Variants in MDH1B observed in about 807,000 individuals in gnomAD.
The protein encoded by MDH1B is malate dehydrogenase 1B.
MDH1B carries 60 observed loss-of-function variants against 61.4 expected under a neutral mutation model. That is an observed-to-expected ratio of 0.98 (90% CI 0.79 to 1.21). The LOEUF is 1.21. MDH1B is among the 50% of genes most tolerant of loss of function. MDH1B has a pLI of 0.00. For missense variants in MDH1B, 587 were observed against 632.1 expected, an observed-to-expected ratio of 0.93 and a Z score of 0.76; for synonymous variants, 236 against 218.7, an observed-to-expected ratio of 1.08 and a Z score of -0.70.
Position 206,739,585 on chromosome 2 carries a change from C to T in MDH1B, c.1528+8G>A. 6.2e-7 allele frequency: 1 copy of T among 1,612,538 alleles called. No individual in the cohort carries two copies. Among genetic ancestry groups the T allele is most frequent in the Non-Finnish European group, 8.5e-7 (1 of 1,178,634 alleles). On this transcript the variant is annotated splice_region_variant and intron_variant, in intron 11 of 11. Coordinates refer to ENST00000374412, the MANE Select transcript of MDH1B (RefSeq NM_001039845.3). ...AAAATACTAGTTAATGTTTTGTCTA[C>T]CACCTACCATTTAGGAACTCAAGAC... is the stretch of plus-strand genomic sequence containing the variant.
chr2:206,750,464 T>C (rs1373495669), intron 6 of MDH1B, among the ~76,000 whole-genome samples: 1 of 151,210 alleles, frequency 6.6e-6, no homozygotes, highest in Non-Finnish European at 1.5e-5. Flanking sequence ...ACACAGCTAC[T>C]AAGTGGCTAA....
chr2:206,749,180 C>T lies in MDH1B; in HGVS notation c.1056G>A (p.Glu352=). The T allele has an allele frequency of 1.9e-6, 3 of 1,613,824 alleles. No individual in the cohort carries two copies. In the South Asian group the frequency reaches 3.3e-5, roughly 18 times the overall value. Residue 352 remains glutamate, a synonymous_variant, in exon 7 of 12, where the codon GAG becomes GAA. Coordinates refer to ENST00000374412, the MANE Select transcript of MDH1B (RefSeq NM_001039845.3). The part of the protein sequence containing the change: ...RPVLNLIFDS[E]WVKREFVAIL... The stretch of plus-strand genomic sequence containing the variant: ...TTGCCACAAATTCTCTTTTTACCCA[C>T]TCACTGTAAGGAGAGAAAGAAACAA...
chr2:206,761,011 T>G lies in MDH1B; in HGVS notation c.25A>C (p.Arg9=). ...TTAGCATAATATGGACAATCTGCTC[T>G]ACCTAAAAGAGTTCAAATTAGCAAT... MAKFVIAG[R]ADCPYYAKTE... is the part of the protein sequence containing the mutation. The change falls in exon 2 of 12, where the codon AGA becomes CGA. Residue 9 remains arginine (R), a splice_region_variant and synonymous_variant. Coordinates refer to ENST00000374412, the MANE Select transcript of MDH1B (RefSeq NM_001039845.3). 6.5e-7 allele frequency: 1 copy of G among 1,543,444 alleles called. No individual in the cohort carries two copies. Among genetic ancestry groups the G allele is most frequent in the Non-Finnish European group, 8.9e-7 (1 of 1,123,122 alleles).
intron 5 of MDH1B, among the ~76,000 whole-genome samples, chr2:206,754,454 A>G (rs1017270378): frequency 6.6e-6 from 1 of 152,242 alleles, no homozygotes; most frequent in African/African-American, 2.4e-5. Context: ...ATCAGATATC[A>G]TAATCCTATT....
intron 9 of MDH1B, among the ~76,000 whole-genome samples, chr2:206,743,263 T>C (rs997723786): frequency 2.0e-5 from 3 of 152,170 alleles, no homozygotes; most frequent in Non-Finnish European, 2.9e-5. Context: ...CATACATCCA[T>C]TGGGTATTTT....
In MDH1B at chr2:206,737,826, T is replaced by A. The variant is rs1037402390; in HGVS notation, c.*657A>T. ...TGTCAAGGAGCAGAAACCTATTCAA[T>A]CTAAGCTTTAAAAAAGTGTGATTTA... On this transcript the variant is annotated 3_prime_UTR_variant, in exon 12 of 12. Coordinates refer to ENST00000374412, the MANE Select transcript of MDH1B (RefSeq NM_001039845.3). The A allele has an allele frequency of 2.6e-5, 4 of 152,198 alleles. No individual in the cohort carries two copies. The highest frequency in any genetic ancestry group is 9.6e-5 in the African/African-American group (4 of 41,452). 9.4% of individuals were successfully genotyped at this position (152,198 alleles called of 1,614,324 possible).
chr2:206,741,345 T>C, intron 9 of MDH1B: 1 of 568,020 alleles, frequency 1.8e-6, no homozygotes, highest in Non-Finnish European at 3.2e-6. Flanking sequence ...GCCAACTTGA[T>C]TGGATTGAAG....
At chr2:206,745,210 C>T (rs929182322) in intron 9 of MDH1B, 5 of 322,670 alleles carry the variant, frequency 1.5e-5, no homozygotes, top group African/African-American at 8.8e-5. Flanking sequence ...CAGTGCAACC[C>T]AAAGCTAGAA....
chr2:206,746,529 T>G, intron 7 of MDH1B, 103 bp from the exon 8 acceptor site: 2 of 1,203,352 alleles, frequency 1.7e-6, no homozygotes, highest in Non-Finnish European at 2.2e-6. Context: ...ATAGGATTTT[T>G]AATGATAATG....
At chr2:206,757,577 C>T (rs972345430) in intron 2 of MDH1B, among the ~76,000 whole-genome samples, 5 of 152,116 alleles carry the variant, frequency 3.3e-5, no homozygotes, top group Admixed American at 6.5e-5. Flanking sequence ...AAAGCATATT[C>T]TTCAAATTAA....
Position 206,760,913 on chromosome 2 carries a change from A to G in MDH1B, c.123T>C (p.Pro41=). Residue 41 remains proline, a synonymous_variant, in exon 2 of 12, where the codon CCT becomes CCC. Transcript: ENST00000374412. ...DFRIHKITQR[P]EVWEDWLKDV... is the part of the protein sequence containing the mutation. ...AAAGGCTTCTTACCTCCCAAACCTC[A>G]GGACGTTGTGTGATTTTATGTATCC... is the stretch of plus-strand genomic sequence containing the variant. 2 of 1,603,240 alleles carry G rather than the reference A, an allele frequency of 1.2e-6. No homozygotes were observed. Among genetic ancestry groups the G allele is most frequent in the East Asian group, 2.2e-5 (1 of 44,768 alleles).
chr2:206,759,956 T>C (rs1688993698), intron 2 of MDH1B, among the ~76,000 whole-genome samples: 1 of 152,190 alleles, frequency 6.6e-6, no homozygotes. Context: ...GACTGTCAGT[T>C]TGGCCCTGAA....
chr2:206,763,066 C>A (rs372213446), intron 1 of MDH1B, among the ~76,000 whole-genome samples: 1 of 152,018 alleles, frequency 6.6e-6, no homozygotes, highest in African/African-American at 2.4e-5. Flanking sequence ...GATGCCTACA[C>A]CCTCCTGTAT....
chr2:206,757,804 T>C (rs899372251), intron 2 of MDH1B, among the ~76,000 whole-genome samples: 1 of 152,234 alleles, frequency 6.6e-6, no homozygotes, highest in African/African-American at 2.4e-5. Context: ...GTTTATGTAG[T>C]TCAGACTAAA....
chr2:206,748,998 G>T (rs1309604976), intron 7 of MDH1B, 22 bp downstream of exon 7: 2 of 1,606,488 alleles, frequency 1.2e-6, no homozygotes, highest in South Asian at 2.2e-5. Flanking sequence ...GATTTTACAA[G>T]ATATGAAAAA....
rs552691006 is a variant in MDH1B at position 206,757,504 on chromosome 2, T to C, written c.136-133A>G. On this transcript the variant is annotated intron_variant, in intron 2 of 11. Transcript: ENST00000374412. Reference sequence around the variant, plus strand: ...ATATACACATAATATAATTTAGATATCTTCAAAGAGTAAAATGTAAATATA... The same window carrying C: ...ATATACACATAATATAATTTAGATACCTTCAAAGAGTAAAATGTAAATATA... The C allele has an allele frequency of 3.7e-5, 24 of 647,988 alleles. No individual in the cohort carries two copies. The East Asian group carries it at 5.9e-4, about 16-fold the overall frequency. 40.1% of individuals were successfully genotyped at this position (647,988 alleles called of 1,614,324 possible).
At chr2:206,750,174 A>C (rs933540736) in intron 6 of MDH1B, among the ~76,000 whole-genome samples, 8 of 151,952 alleles carry the variant, frequency 5.3e-5, no homozygotes, top group Admixed American at 6.5e-5. Flanking sequence ...AAAGTGCTGC[A>C]AAGTTTAGAA....
chr2:206,746,476 T>C, intron 7 of MDH1B, 50 bp from the exon 8 acceptor site: 1 of 1,556,264 alleles, frequency 6.4e-7, no homozygotes, highest in Middle Eastern at 1.7e-4. Context: ...CTTAGAAACA[T>C]GCACCTTTTC....
At chr2:206,743,563 G>A (rs981207344) in intron 9 of MDH1B, among the ~76,000 whole-genome samples, 28 of 152,156 alleles carry the variant, frequency 1.8e-4, no homozygotes, top group African/African-American at 6.8e-4. Context: ...TTTGGCAACT[G>A]TAGTCCAGAT....
Sources: allele counts gnomAD v4.1 joint callset (sites outside exome capture counted in the v4.1 genomes callset), GRCh38; gene constraint gnomAD v4.1.1; transcripts MANE v1.5; gene names NCBI Gene and HGNC (gene_info 2026-07-23, HGNC 2026-07-21).